Variants in RBMS3 observed in about 807,000 individuals in gnomAD.
RBMS3 encodes the protein RNA-binding motif, single-stranded-interacting protein 3.
Under a neutral mutation model 66.8 loss-of-function variants are expected in RBMS3, and 27 were observed. That is an observed-to-expected ratio of 0.40 (90% CI 0.30 to 0.56). The LOEUF (loss-of-function observed/expected upper bound fraction) is 0.56, where lower values mean the gene tolerates loss of function less well. RBMS3 is among the 20% of genes least tolerant of loss of function. RBMS3 has a pLI of 0.40. For missense variants in RBMS3, 513 were observed against 549.5 expected (o/e 0.93, Z 0.66); for synonymous variants, 188 against 183.0 (o/e 1.03, Z -0.22).
chr3:29,477,798 C>G (rs981786088), intron 2 of RBMS3, among the ~76,000 whole-genome samples: 1 of 152,090 alleles, frequency 6.6e-6, no homozygotes, highest in African/African-American at 2.4e-5. Flanking sequence ...CAGGGTCTCA[C>G]TCTGTCACCT....
At position 29,714,925 on chromosome 3, in the gene RBMS3, G is replaced by A. The variant is rs191046221; in HGVS notation, c.400-24795G>A. ...CCTGGGCCTTAGTCTGATTATTTGAGTAGTGAGCTATATATTTTCCATGTC... is the reference window on the plus strand; with the variant it reads ...CCTGGGCCTTAGTCTGATTATTTGAATAGTGAGCTATATATTTTCCATGTC... On this transcript the variant is annotated intron_variant, in intron 4 of 14. Transcript: ENST00000383767. Among the ~76,000 whole-genome samples the A allele has an allele frequency of 1.3e-4, 20 of 152,228 alleles. No homozygotes were observed. The East Asian group carries it at 3.5e-3, about 27-fold the overall frequency.
At chr3:29,338,194 G>T (rs547111171) in intron 1 of RBMS3, among the ~76,000 whole-genome samples, 203 of 152,146 alleles carry the variant, frequency 1.3e-3, no homozygotes, top group African/African-American at 4.7e-3. Flanking sequence ...CATCTATTTT[G>T]TCTTTGATTT....
chr3:29,715,315 C>A (rs1432901509), intron 4 of RBMS3, among the ~76,000 whole-genome samples: 1 of 152,072 alleles, frequency 6.6e-6, no homozygotes, highest in African/African-American at 2.4e-5. Context: ...GTATAATATG[C>A]TTCATTCATG....
At chr3:29,613,916 A>C (rs1022996806) in intron 4 of RBMS3, among the ~76,000 whole-genome samples, 11 of 152,278 alleles carry the variant, frequency 7.2e-5, no homozygotes, top group African/African-American at 2.6e-4. Flanking sequence ...AAAACATTAT[A>C]AAGATTTTTT....
chr3:29,912,595 T>G (rs2060543531), intron 10 of RBMS3, among the ~76,000 whole-genome samples: 1 of 152,084 alleles, frequency 6.6e-6, no homozygotes, highest in African/African-American at 2.4e-5. Context: ...TAATTGGCAG[T>G]TACATCTGTA....
At chr3:29,318,420 T>C (rs889987146) in intron 1 of RBMS3, among the ~76,000 whole-genome samples, 1 of 151,848 alleles carries the variant, frequency 6.6e-6, no homozygotes, top group Non-Finnish European at 1.5e-5. Flanking sequence ...TCAGATGTAC[T>C]GCGTAAGTCA....
At chr3:29,431,786 C>T (rs540029788) in intron 1 of RBMS3, among the ~76,000 whole-genome samples, 10 of 152,190 alleles carry the variant, frequency 6.6e-5, no homozygotes, top group East Asian at 1.9e-4. Flanking sequence ...AGTGCAGTGG[C>T]GCCATCATGG....
At chr3:29,927,205 T>C (rs2060961484) in intron 10 of RBMS3, 1 of 152,246 alleles carries the variant, frequency 6.6e-6, no homozygotes. Context: ...AGTGTATGAA[T>C]GGATCTTTTA....
chr3:29,638,594 A>C (rs995555099), intron 4 of RBMS3, among the ~76,000 whole-genome samples: 2 of 151,890 alleles, frequency 1.3e-5, no homozygotes, highest in African/African-American at 4.8e-5. Flanking sequence ...CACTATTTGC[A>C]GTACAATTCG....
intron 6 of RBMS3, chr3:29,767,361 A>G (rs1162980864): frequency 1.3e-5 from 2 of 150,072 alleles, no homozygotes; most frequent in African/African-American, 2.5e-5. Flanking sequence ...TTCAGAATAA[A>G]ATGGAATAAC....
At chr3:29,859,704 T>C (rs1365145821) in intron 6 of RBMS3, among the ~76,000 whole-genome samples, 1 of 152,090 alleles carries the variant, frequency 6.6e-6, no homozygotes, top group Non-Finnish European at 1.5e-5. Context: ...ATGCTAAGAG[T>C]CAAAAGAAAA....
chr3:29,952,141 A>G (rs1436379712), intron 12 of RBMS3, among the ~76,000 whole-genome samples: 1 of 151,838 alleles, frequency 6.6e-6, no homozygotes, highest in African/African-American at 2.4e-5. Flanking sequence ...GATTATATGC[A>G]TGATAGCAGT....
chr3:29,523,374 T>A (rs963158683), intron 3 of RBMS3, among the ~76,000 whole-genome samples: 2 of 152,140 alleles, frequency 1.3e-5, no homozygotes, highest in African/African-American at 4.8e-5. Flanking sequence ...GGGTGTGTTT[T>A]CCAAACTGTT....
chr3:29,600,597 TAA>T (rs2048110521), intron 4 of RBMS3, among the ~76,000 whole-genome samples: 2 of 152,030 alleles, frequency 1.3e-5, no homozygotes. Flanking sequence ...CAAAACTGAC[TAA>T]GACACAGATC....
chr3:29,667,390 C>T (rs2050812018), intron 4 of RBMS3, among the ~76,000 whole-genome samples: 1 of 152,156 alleles, frequency 6.6e-6, no homozygotes, highest in African/African-American at 2.4e-5. Flanking sequence ...CCCCTGAGAA[C>T]TTGTTTGAAA....
intron 1 of RBMS3, among the ~76,000 whole-genome samples, chr3:29,307,352 T>C (rs77011666): frequency 6.6e-6 from 1 of 152,116 alleles, no homozygotes; most frequent in African/African-American, 2.4e-5. Flanking sequence ...GTTAGTCCTA[T>C]TTTAAGTAGC....
chr3:29,876,050 G>C (rs149500900), intron 7 of RBMS3, among the ~76,000 whole-genome samples: 77 of 152,280 alleles, frequency 5.1e-4, no homozygotes, highest in African/African-American at 1.1e-3. Context: ...ACATTTAAAG[G>C]ATAAATCCCC....
intron 1 of RBMS3, among the ~76,000 whole-genome samples, chr3:29,389,350 G>A (rs115454987): frequency 0.013 from 1,939 of 152,244 alleles, 50 homozygotes; most frequent in African/African-American, 0.043. Context: ...GGGGAAAAAG[G>A]TCACTCTTCT....
rs1248645899 is a variant in RBMS3 at position 29,587,121 on chromosome 3, T to A, written c.315T>A (p.Gly105=). ...DKNTNQCKGY[G]FVDFDSPAAA... is the part of the protein sequence containing the mutation. ...GATTTTGTGTTTTCACAGGTTATGG[T>A]TTTGTAGATTTTGACAGTCCTGCAG... Residue 105 remains glycine, a synonymous_variant, in exon 4 of 15, where the codon GGT becomes GGA. Transcript: ENST00000383767. 6.2e-7 allele frequency: 1 copy of A among 1,609,366 alleles called. No individual in the cohort carries two copies. Among genetic ancestry groups the A allele is most frequent in the Non-Finnish European group, 8.5e-7 (1 of 1,178,238 alleles).
Sources: allele counts gnomAD v4.1 joint callset (sites outside exome capture counted in the v4.1 genomes callset), GRCh38; gene constraint gnomAD v4.1.1; transcripts MANE v1.5; gene names NCBI Gene and HGNC (gene_info 2026-07-23, HGNC 2026-07-21).